The following SERTAD2 variants were observed in gnomAD, a reference collection of about 807,000 sequenced individuals.
SERTAD2 encodes SERTA domain-containing protein 2.
Under a neutral mutation model 15.4 loss-of-function variants are expected in SERTAD2, and 2 were observed. That is an observed-to-expected ratio of 0.13 (90% CI 0.05 to 0.41). The LOEUF (loss-of-function observed/expected upper bound fraction) is 0.41. Ranked by LOEUF, SERTAD2 falls within the 10% of genes least tolerant of loss-of-function variation. The pLI is 0.99. For synonymous variants in SERTAD2, 180 were observed against 178.0 expected (o/e 1.01, Z -0.09); for missense variants, 333 against 409.7 (o/e 0.81, Z 1.62).
chr2:64,638,718 C>T (rs1315256064), intron 1 of SERTAD2, among the ~76,000 whole-genome samples: 2 of 152,274 alleles, frequency 1.3e-5, no homozygotes, highest in Non-Finnish European at 2.9e-5. Context: ...ATGTCAATCA[C>T]AATGACCAGT....
intron 1 of SERTAD2, among the ~76,000 whole-genome samples, chr2:64,648,455 T>C (rs968799027): frequency 6.6e-6 from 1 of 152,232 alleles, no homozygotes; most frequent in African/African-American, 2.4e-5. Context: ...TTTGGGACTA[T>C]TTTGAGATAA....
intron 1 of SERTAD2, among the ~76,000 whole-genome samples, chr2:64,638,454 AC>A (rs953623793): frequency 3.3e-5 from 5 of 152,134 alleles, no homozygotes; most frequent in African/African-American, 1.2e-4. Context: ...ACTTCACAGA[AC>A]TTCTTTCTCA....
intron 1 of SERTAD2, among the ~76,000 whole-genome samples, chr2:64,640,062 T>A (rs1674738314): frequency 6.6e-6 from 1 of 152,186 alleles, no homozygotes; most frequent in African/African-American, 2.4e-5. Flanking sequence ...CTCTGTTTTG[T>A]ATTATAAGGC....
At chr2:64,650,106 C>A (rs1011356782) in intron 1 of SERTAD2, among the ~76,000 whole-genome samples, 2 of 152,110 alleles carry the variant, frequency 1.3e-5, no homozygotes, top group Non-Finnish European at 2.9e-5. Context: ...AGATGAGGGA[C>A]AGAGGATTCT....
chr2:64,639,850 G>C (rs1399292224), intron 1 of SERTAD2, among the ~76,000 whole-genome samples: 1 of 152,188 alleles, frequency 6.6e-6, no homozygotes, highest in African/African-American at 2.4e-5. Flanking sequence ...GATCCAGCTG[G>C]CCAGAGCTGT....
At chr2:64,640,374 G>A (rs556927979) in intron 1 of SERTAD2, among the ~76,000 whole-genome samples, 27 of 152,306 alleles carry the variant, frequency 1.8e-4, no homozygotes, top group African/African-American at 4.8e-4. Context: ...CTCAAGAACC[G>A]GAGGGCAAGA....
chr2:64,645,988 AT>A (rs767725297), intron 1 of SERTAD2, among the ~76,000 whole-genome samples: 29 of 151,578 alleles, frequency 1.9e-4, no homozygotes, highest in Admixed American at 1.2e-3. Context: ...GTTTTAAGGA[AT>A]TTTTTTTAAT....
At chr2:64,647,007 T>C (rs2104350806) in intron 1 of SERTAD2, among the ~76,000 whole-genome samples, 1 of 152,330 alleles carries the variant, frequency 6.6e-6, no homozygotes, top group Middle Eastern at 3.4e-3. Flanking sequence ...AACTATAAAT[T>C]ATCTCCATAC....
In SERTAD2 at chr2:64,636,386, G is replaced by A; in HGVS notation, c.486C>T (p.Leu162=). ...TAPTKLSPPA[L]LPEKDSFSSA... is the part of the protein sequence containing the mutation. ...AGGAGAAACTGTCCTTTTCTGGCAA[G>A]AGGGCTGGAGGTGACAGTTTGGTGG... The change falls in exon 2 of 2, where the codon CTC becomes CTT. Residue 162 remains leucine (L), a synonymous_variant. Transcript: ENST00000313349. 3 of 1,614,208 alleles carry A rather than the reference G, an allele frequency of 1.9e-6. No homozygotes were observed. The highest frequency in any genetic ancestry group is 2.5e-6 in the Non-Finnish European group (3 of 1,180,036).
rs1194630401 is a variant in SERTAD2, at chr2:64,634,132, C to A, written c.*1795G>T. 6.6e-6 allele frequency: 1 copy of A among 152,182 alleles called. No individual in the cohort carries two copies. Among genetic ancestry groups the A allele is most frequent in the Non-Finnish European group, 1.5e-5 (1 of 68,002 alleles). 9.4% of individuals were successfully genotyped at this position (152,182 alleles called of 1,614,324 possible). ...AAAGACAACAACAACAACAAAACAT[C>A]CCATAATTTAAAAATTTTTAAATAA... is the stretch of plus-strand genomic sequence containing the variant. On this transcript the variant is annotated 3_prime_UTR_variant, in exon 2 of 2. Transcript: ENST00000313349.
chr2:64,639,980 C>T (rs1277277722), intron 1 of SERTAD2, among the ~76,000 whole-genome samples: 2 of 152,030 alleles, frequency 1.3e-5, no homozygotes, highest in African/African-American at 4.8e-5. Flanking sequence ...CACACCAAAT[C>T]TTGGATGCAC....
Position 64,636,518 on chromosome 2 carries a change from G to T in SERTAD2, c.354C>A (p.Cys118Ter). ...SHLASPSSHP[C>*]DLGSTTPLEA... ...CCAGGGGCGTAGTGCTTCCGAGGTCGCAGGGGTGGGAGGACGGGGACGCCA... is the reference window on the plus strand; with the variant it reads ...CCAGGGGCGTAGTGCTTCCGAGGTCTCAGGGGTGGGAGGACGGGGACGCCA... The change falls in exon 2 of 2, where the codon TGC becomes TGA. Residue 118 changes from cysteine to a stop codon, truncating the protein, a stop_gained. Transcript: ENST00000313349. LOFTEE classifies it high-confidence loss of function. 6.2e-7 allele frequency: 1 copy of T among 1,605,472 alleles called. No homozygotes were observed.
In SERTAD2 at chr2:64,632,883, GA is replaced by G. The variant is rs35415115; in HGVS notation, c.*3043del. ...AAAAGGAATAAATAACTTATGGGGG[GA>G]AAAAAACTCACTTCAAATTCAAAGC... On this transcript the variant is annotated 3_prime_UTR_variant, in exon 2 of 2. Transcript: ENST00000313349. 0.42 allele frequency: 60,988 copies of G among 143,638 alleles called. 12,366 individuals are homozygous for G. Among genetic ancestry groups the G allele is most frequent in the East Asian group, 0.48 (2,242 of 4,702 alleles). The allele number at this position is 143,638 out of a possible 1,614,324, so 8.9% of individuals were successfully genotyped here. A position where few individuals can be genotyped will look rare whatever the true frequency, so the allele number is the denominator to read the frequency against.
intron 1 of SERTAD2, among the ~76,000 whole-genome samples, chr2:64,649,417 G>C (rs963726678): frequency 1.3e-5 from 2 of 152,142 alleles, no homozygotes; most frequent in South Asian, 4.1e-4. Flanking sequence ...TCTTCAACAG[G>C]TTCACTCAGC....
intron 1 of SERTAD2, among the ~76,000 whole-genome samples, chr2:64,645,732 G>T (rs1573089461): frequency 6.6e-6 from 1 of 152,310 alleles, no homozygotes; most frequent in Admixed American, 6.5e-5. Flanking sequence ...TCTGGAAAGA[G>T]AATAGGCTTT....
chr2:64,634,819 A>G lies in SERTAD2; in HGVS notation c.*1108T>C, dbSNP rs1465897942. 1 of 152,346 alleles carries G rather than the reference A, an allele frequency of 6.6e-6. No individual in the cohort carries two copies. Among genetic ancestry groups the G allele is most frequent in the African/African-American group, 2.4e-5 (1 of 41,454 alleles). The allele number at this position is 152,346 out of a possible 1,614,324, so 9.4% of individuals were successfully genotyped here. ...CAGGTCATCATAAAAATTATGCCAA[A>G]AAGGAAAGATCTGGGTTTTCATTAA... On this transcript the variant is annotated 3_prime_UTR_variant, in exon 2 of 2. Coordinates refer to ENST00000313349, the MANE Select transcript of SERTAD2 (RefSeq NM_014755.3).
chr2:64,641,279 C>A (rs1358412263), intron 1 of SERTAD2, among the ~76,000 whole-genome samples: 2 of 152,170 alleles, frequency 1.3e-5, no homozygotes, highest in African/African-American at 4.8e-5. Flanking sequence ...GACCAGAGGA[C>A]CAGGAGCCTG....
chr2:64,639,574 A>G (rs1214500197), intron 1 of SERTAD2, among the ~76,000 whole-genome samples: 1 of 152,228 alleles, frequency 6.6e-6, no homozygotes, highest in African/African-American at 2.4e-5. Flanking sequence ...GGTAACATTT[A>G]GGGAAGATGG....
intron 1 of SERTAD2, among the ~76,000 whole-genome samples, chr2:64,642,068 T>C (rs1674788658): frequency 6.6e-6 from 1 of 152,270 alleles, no homozygotes; most frequent in Non-Finnish European, 1.5e-5. Context: ...GGAGGATATC[T>C]TTATTCAGTT....
Sources: gnomAD v4.1 joint callset for allele counts (sites outside exome capture counted in the v4.1 genomes callset) on GRCh38, gnomAD v4.1.1 for gene constraint, MANE v1.5 for transcripts, NCBI Gene and HGNC (gene_info 2026-07-23, HGNC 2026-07-21) for gene names.